DLGAP2: variants seen among roughly 807,000 people sequenced by gnomAD.
The protein encoded by DLGAP2 is disks large-associated protein 2.
A neutral mutation model predicts 100.3 loss-of-function variants in DLGAP2; 26 were observed. The ratio of observed to expected loss-of-function variants is 0.26; its 90% CI spans 0.19 to 0.36. The LOEUF is 0.36. Ranked by LOEUF, DLGAP2 falls within the 10% of genes least tolerant of loss-of-function variation. The pLI, the probability that DLGAP2 is intolerant of heterozygous loss-of-function variation, is 1.00. For synonymous variants in DLGAP2, 886 were observed against 630.1 expected (o/e 1.41, Z -6.08); for missense variants, 1,858 against 1,453.2 (o/e 1.28, Z -4.53).
At chr8:1,489,186 G>C (rs1031695563) in intron 3 of DLGAP2, among the ~76,000 whole-genome samples, 1 of 152,210 alleles carries the variant, frequency 6.6e-6, no homozygotes, top group African/African-American at 2.4e-5. Context: ...CCATGCTGAA[G>C]TTTGAGCTGC....
chr8:883,482 A>C (rs965549386), intron 1 of DLGAP2: 2 of 152,194 alleles, frequency 1.3e-5, no homozygotes, highest in African/African-American at 4.8e-5. Context: ...CTTGATATGC[A>C]AATGCATATT....
intron 2 of DLGAP2, among the ~76,000 whole-genome samples, chr8:989,597 T>C (rs1430016663): frequency 6.6e-6 from 1 of 152,160 alleles, no homozygotes; most frequent in East Asian, 1.9e-4. Context: ...GGGGTCAGGC[T>C]CTTAACTGTG....
chr8:973,509 G>T (rs1279389570), intron 2 of DLGAP2, among the ~76,000 whole-genome samples: 4 of 151,496 alleles, frequency 2.6e-5, no homozygotes, highest in African/African-American at 9.7e-5. Flanking sequence ...CCACATCTCA[G>T]ACGATGGGCG....
chr8:1,345,762 T>C (rs1801540262), intron 3 of DLGAP2, among the ~76,000 whole-genome samples: 1 of 152,230 alleles, frequency 6.6e-6, no homozygotes, highest in African/African-American at 2.4e-5. Flanking sequence ...ATTGAAACTT[T>C]CTAGGCTTTT....
intron 1 of DLGAP2, among the ~76,000 whole-genome samples, chr8:786,509 C>G (rs1300827536): frequency 1.3e-5 from 2 of 152,166 alleles, no homozygotes; most frequent in Non-Finnish European, 1.5e-5. Context: ...GTGTAAAAAG[C>G]TTGAAGCAGC....
intron 6 of DLGAP2, among the ~76,000 whole-genome samples, chr8:1,595,507 CAAA>C: frequency 6.9e-6 from 1 of 145,900 alleles, no homozygotes; most frequent in East Asian, 2.0e-4. Context: ...ACTAAAAATA[CAAA>C]AAAAAAATTA....
intron 2 of DLGAP2, among the ~76,000 whole-genome samples, chr8:1,114,184 T>G (rs1244613355): frequency 6.6e-6 from 1 of 152,120 alleles, no homozygotes; most frequent in Admixed American, 6.6e-5. Flanking sequence ...CTCTGCCAGG[T>G]TTTGGTATTA....
intron 3 of DLGAP2, chr8:1,302,682 G>C (rs1412551592): frequency 6.6e-6 from 1 of 152,272 alleles, no homozygotes; most frequent in East Asian, 1.9e-4. Context: ...TTAGTCATCA[G>C]ATCGTCCTAT....
chr8:985,138 A>T (rs1159035142), intron 2 of DLGAP2, among the ~76,000 whole-genome samples: 1 of 152,224 alleles, frequency 6.6e-6, no homozygotes, highest in Non-Finnish European at 1.5e-5. Flanking sequence ...GGGTATTTCC[A>T]AGGTCCCTGG....
rs148388721 is a variant in DLGAP2, at chr8:956,005, C to G, written c.73+48039C>G. ...TTTGGGAGGCTTATTAACCCCTCTT[C>G]CTTCATAGCCCTCTTCAGAAAGATG... On this transcript the variant is annotated intron_variant, in intron 2 of 14. Coordinates refer to ENST00000637795, the MANE Select transcript of DLGAP2 (RefSeq NM_001346810.2). Among the ~76,000 whole-genome samples, 17 of 152,272 alleles carry G rather than the reference C, an allele frequency of 1.1e-4. No individual in the cohort carries two copies. The East Asian group carries it at 3.1e-3, about 28-fold the overall frequency.
At chr8:1,031,855 G>T (rs1313131712) in intron 2 of DLGAP2, among the ~76,000 whole-genome samples, 2 of 152,204 alleles carry the variant, frequency 1.3e-5, no homozygotes, top group Non-Finnish European at 2.9e-5. Flanking sequence ...TGCTGTTTAT[G>T]TTAGAAATGA....
At position 1,165,216 on chromosome 8, in the gene DLGAP2, G is replaced by A. The variant is rs534643909; in HGVS notation, c.74-93635G>A. Among the ~76,000 whole-genome samples, 374 of 150,598 alleles carry A rather than the reference G, an allele frequency of 2.5e-3. 1 individual carries two copies. Among genetic ancestry groups the A allele is most frequent in the African/African-American group, 8.2e-3 (336 of 40,760 alleles). On this transcript the variant is annotated intron_variant, in intron 2 of 14. Coordinates refer to ENST00000637795, the MANE Select transcript of DLGAP2 (RefSeq NM_001346810.2). Reference sequence around the variant, plus strand: ...AAGGAGGGAGGTAGAGGGGGAGATGGGGGGGCGGGAGGAACAGAGGCAGAG... The same window carrying A: ...AAGGAGGGAGGTAGAGGGGGAGATGAGGGGGCGGGAGGAACAGAGGCAGAG...
At chr8:1,027,339 C>T (rs1317178889) in intron 2 of DLGAP2, among the ~76,000 whole-genome samples, 3 of 147,258 alleles carry the variant, frequency 2.0e-5, no homozygotes, top group Non-Finnish European at 4.5e-5. Context: ...CACCCATTCT[C>T]CAGGTGTGGT....
intron 3 of DLGAP2, among the ~76,000 whole-genome samples, chr8:1,339,631 G>A (rs1801373514): frequency 6.6e-6 from 1 of 152,220 alleles, no homozygotes; most frequent in Non-Finnish European, 1.5e-5. Flanking sequence ...CTTCACATGG[G>A]TTATCTCATG....
At chr8:1,221,105 G>A (rs956770645) in intron 2 of DLGAP2, among the ~76,000 whole-genome samples, 1 of 152,104 alleles carries the variant, frequency 6.6e-6, no homozygotes, top group African/African-American at 2.4e-5. Flanking sequence ...TTATATTGAA[G>A]GTTAATATTG....
At chr8:1,142,071 T>TA (rs1190466766) in intron 2 of DLGAP2, among the ~76,000 whole-genome samples, 10 of 96,612 alleles carry the variant, frequency 1.0e-4, no homozygotes, top group Admixed American at 1.0e-3. Flanking sequence ...CCTACGTATA[T>TA]AAGTTTTTTT....
chr8:980,122 G>A (rs1207855749), intron 2 of DLGAP2, among the ~76,000 whole-genome samples: 1 of 152,212 alleles, frequency 6.6e-6, no homozygotes, highest in Non-Finnish European at 1.5e-5. Flanking sequence ...GGGATTCCGG[G>A]AGTCAGGAGT....
intron 4 of DLGAP2, among the ~76,000 whole-genome samples, chr8:1,512,529 C>T (rs2130377008): frequency 6.6e-6 from 1 of 152,224 alleles, no homozygotes; most frequent in South Asian, 2.1e-4. Flanking sequence ...CCTCGGGTTG[C>T]ACGTGTGACT....
At chr8:1,513,892 C>A (rs988233811) in intron 4 of DLGAP2, among the ~76,000 whole-genome samples, 3 of 152,222 alleles carry the variant, frequency 2.0e-5, no homozygotes, top group African/African-American at 7.2e-5. Flanking sequence ...GCCTTCCTTC[C>A]CTCCTTCATT....
Sources: gnomAD v4.1 joint callset for allele counts (sites outside exome capture counted in the v4.1 genomes callset) on GRCh38, gnomAD v4.1.1 for gene constraint, MANE v1.5 for transcripts, NCBI Gene and HGNC (gene_info 2026-07-23, HGNC 2026-07-21) for gene names.